DIAPH2: variants seen among roughly 807,000 people sequenced by gnomAD.
DIAPH2 encodes diaphanous related formin 2.
A neutral mutation model predicts 92.7 loss-of-function variants in DIAPH2; 35 were observed. That is an observed-to-expected ratio of 0.38 (90% CI 0.29 to 0.50). DIAPH2 has a LOEUF of 0.50. Among genes scored for constraint, DIAPH2 ranks in the 20% least tolerant of loss-of-function variants. DIAPH2 has a pLI of 0.94. For missense variants in DIAPH2, 701 were observed against 819.5 expected (o/e 0.86, Z 1.77); for synonymous variants, 301 against 280.4 (o/e 1.07, Z -0.73).
intron 26 of DIAPH2, among the ~76,000 whole-genome samples, chrX:97,492,287 T>A (rs2070730308): frequency 9.1e-6 from 1 of 110,455 alleles, no homozygotes. Flanking sequence ...TGCAAAAAAT[T>A]AGCCAGGCAT....
In DIAPH2 at chrX:97,307,776, C is replaced by T. The variant is rs993917783; in HGVS notation, c.2845-40340C>T. On this transcript the variant is annotated intron_variant, in intron 23 of 26. Transcript: ENST00000324765. ...ATACAAAATTAGCCGGGCGTGGTGG[C>T]GCATGCCTGTAATCTCAGCTACTCG... Among the ~76,000 whole-genome samples the T allele has an allele frequency of 2.8e-5, 3 of 108,488 alleles. No homozygotes were observed. The South Asian group carries it at 1.2e-3, about 44-fold the overall frequency. 94.2% of individuals were successfully genotyped at this position (108,488 alleles called of 115,157 possible).
chrX:97,137,265 T>TTATATATATATA (rs748631722), intron 21 of DIAPH2, among the ~76,000 whole-genome samples: 7 of 30,067 alleles, frequency 2.3e-4, no homozygotes, highest in Non-Finnish European at 3.7e-4. Context: ...ATAAACGCAG[T>TTATATATATATA]TATACATATA....
chrX:97,471,642 A>T (rs764124743), intron 26 of DIAPH2, among the ~76,000 whole-genome samples: 1 of 96,683 alleles, frequency 1.0e-5, no homozygotes, highest in East Asian at 3.5e-4. Context: ...GTGAGCCAAG[A>T]TCGCGCCATT....
intron 7 of DIAPH2, 47 bp downstream of exon 7, chrX:96,912,599 C>T (rs756848669): frequency 9.0e-7 from 1 of 1,112,633 alleles, no homozygotes. Flanking sequence ...TGGGAACTTG[C>T]CCAACACTAT....
chrX:96,786,749 A>G (rs1470865182), intron 4 of DIAPH2, among the ~76,000 whole-genome samples: 1 of 111,936 alleles, frequency 8.9e-6, no homozygotes, highest in Admixed American at 9.4e-5. Flanking sequence ...TTTGTTTTGC[A>G]TACTAGAATC....
intron 26 of DIAPH2, among the ~76,000 whole-genome samples, chrX:97,482,647 A>G (rs1205441971): frequency 1.1e-5 from 1 of 89,760 alleles, no homozygotes; most frequent in Non-Finnish European, 2.2e-5. Flanking sequence ...GGAAAAGAGG[A>G]GGGGACCAAA....
chrX:97,514,774 T>A (rs9792811), intron 26 of DIAPH2, among the ~76,000 whole-genome samples: 45,654 of 104,253 alleles, frequency 0.44, 9,178 homozygotes, highest in Non-Finnish European at 0.59. Context: ...CTGCAGTGTG[T>A]GGTGTCAGTG....
chrX:97,163,731 T>C (rs1019037173), intron 22 of DIAPH2, among the ~76,000 whole-genome samples: 1 of 112,071 alleles, frequency 8.9e-6, no homozygotes, highest in Non-Finnish European at 1.9e-5. Flanking sequence ...TATGCAGATA[T>C]TAAAACTCTA....
intron 23 of DIAPH2, among the ~76,000 whole-genome samples, chrX:97,340,241 T>C (rs2069101093): frequency 9.0e-6 from 1 of 111,634 alleles, no homozygotes; most frequent in African/African-American, 3.3e-5. Flanking sequence ...GGTTCTAGCA[T>C]TAGTTATATA....
At chrX:96,768,688 A>T (rs1757993372) in intron 4 of DIAPH2, among the ~76,000 whole-genome samples, 1 of 111,649 alleles carries the variant, frequency 9.0e-6, no homozygotes, top group Non-Finnish European at 1.9e-5. Context: ...TAGGGAAGAG[A>T]GAACATCAAG....
At chrX:97,317,637 G>T (rs2068851032) in intron 23 of DIAPH2, among the ~76,000 whole-genome samples, 1 of 111,917 alleles carries the variant, frequency 8.9e-6, no homozygotes, top group Non-Finnish European at 1.9e-5. Context: ...GACTAATCAT[G>T]CCAGAGAGAA....
intron 17 of DIAPH2, among the ~76,000 whole-genome samples, chrX:96,966,515 C>G (rs773754426): frequency 8.9e-6 from 1 of 112,113 alleles, no homozygotes; most frequent in Non-Finnish European, 1.9e-5. Flanking sequence ...TAGTCTATGC[C>G]TCTCAACACA....
intron 19 of DIAPH2, among the ~76,000 whole-genome samples, chrX:97,076,314 G>C (rs2066704028): frequency 9.0e-6 from 1 of 111,541 alleles, no homozygotes; most frequent in Non-Finnish European, 1.9e-5. Flanking sequence ...GGCAGATCAC[G>C]AGGTCAGGAG....
At chrX:97,247,573 G>T (rs759138839) in intron 22 of DIAPH2, 142 bp from the exon 23 acceptor site, 266 of 467,099 alleles carry the variant, frequency 5.7e-4, no homozygotes, top group Non-Finnish European at 8.0e-4. Context: ...TTTATAAGCA[G>T]TAATTCAGAA....
chrX:97,468,010 C>T (rs1478531111), intron 26 of DIAPH2, among the ~76,000 whole-genome samples: 2 of 111,574 alleles, frequency 1.8e-5, no homozygotes, highest in Non-Finnish European at 3.8e-5. Context: ...GTGAAGGCTC[C>T]CAGGCTGAAG....
At chrX:97,373,951 C>T (rs2069475796) in intron 24 of DIAPH2, among the ~76,000 whole-genome samples, 1 of 110,254 alleles carries the variant, frequency 9.1e-6, no homozygotes, top group Non-Finnish European at 1.9e-5. Context: ...AGATGAGGAG[C>T]GAGGGAGACC....
intron 22 of DIAPH2, among the ~76,000 whole-genome samples, chrX:97,149,730 C>CAAAAAAAAAAAAAAAAAAAAAAAAAAAAA (rs55853481): frequency 3.2e-5 from 1 of 31,118 alleles, no homozygotes; most frequent in Admixed American, 6.8e-4. Context: ...GACTCCATCT[C>CAAAAAAAAAAAAAAAAAAAAAAAAAAAAA]AAAAAAAAAA....
chrX:97,121,038 C>T (rs1300876662), intron 21 of DIAPH2, among the ~76,000 whole-genome samples: 3 of 112,024 alleles, frequency 2.7e-5, no homozygotes, highest in Non-Finnish European at 3.8e-5. Flanking sequence ...TGTAAGTACA[C>T]GCAAAGTTTT....
chrX:96,940,108 C>T (rs2065695201), intron 12 of DIAPH2, among the ~76,000 whole-genome samples: 1 of 110,661 alleles, frequency 9.0e-6, no homozygotes, highest in Admixed American at 9.6e-5. Context: ...ATTTTCTTTG[C>T]TAGATAGTGA....
Sources: gnomAD v4.1 joint callset for allele counts (sites outside exome capture counted in the v4.1 genomes callset) on GRCh38, gnomAD v4.1.1 for gene constraint, MANE v1.5 for transcripts, NCBI Gene and HGNC (gene_info 2026-07-23, HGNC 2026-07-21) for gene names.